FBXL17: variants seen among roughly 807,000 people sequenced by gnomAD.
The protein encoded by FBXL17 is F-box/LRR-repeat protein 17.
A neutral mutation model predicts 66.2 loss-of-function variants in FBXL17; 22 were observed. The observed-to-expected ratio is 0.33, with a 90% CI of 0.24 to 0.47. The LOEUF is 0.47. FBXL17 is among the 20% of genes least tolerant of loss of function. FBXL17 has a pLI of 1.00. For missense variants in FBXL17, 878 were observed against 948.2 expected, an observed-to-expected ratio of 0.93 and a Z score of 0.97; for synonymous variants, 474 against 400.5, an observed-to-expected ratio of 1.18 and a Z score of -2.19.
intron 6 of FBXL17, among the ~76,000 whole-genome samples, chr5:108,159,810 T>C (rs1752137714): frequency 6.6e-6 from 1 of 152,196 alleles, no homozygotes. Context: ...TTTCTTAACT[T>C]GTACTAAATC....
intron 4 of FBXL17, among the ~76,000 whole-genome samples, chr5:108,347,045 A>G (rs935607866): frequency 6.6e-6 from 1 of 152,158 alleles, no homozygotes; most frequent in African/African-American, 2.4e-5. Context: ...CCCTGACAAC[A>G]TTTTCAAATA....
At chr5:108,119,944 A>C (rs995498156) in intron 6 of FBXL17, among the ~76,000 whole-genome samples, 33 of 152,216 alleles carry the variant, frequency 2.2e-4, no homozygotes, top group African/African-American at 7.7e-4. Flanking sequence ...GCACTGCTTG[A>C]TCAGGCCCTG....
intron 6 of FBXL17, among the ~76,000 whole-genome samples, chr5:108,031,746 T>A (rs1468601147): frequency 6.6e-6 from 1 of 152,256 alleles, no homozygotes; most frequent in South Asian, 2.1e-4. Context: ...ACAGAGATGA[T>A]ACTTCACTAC....
chr5:107,996,070 A>G, intron 7 of FBXL17, among the ~76,000 whole-genome samples: 1 of 152,220 alleles, frequency 6.6e-6, no homozygotes, highest in Non-Finnish European at 1.5e-5. Flanking sequence ...CAAAAACTCA[A>G]CAACTTGGAC....
At chr5:107,931,192 T>G (rs1415741460) in intron 7 of FBXL17, among the ~76,000 whole-genome samples, 1 of 152,180 alleles carries the variant, frequency 6.6e-6, no homozygotes, top group African/African-American at 2.4e-5. Flanking sequence ...ATGTTGCTTT[T>G]GCTAGGAAAC....
intron 7 of FBXL17, among the ~76,000 whole-genome samples, chr5:107,910,816 A>C (rs1170083822): frequency 6.6e-6 from 1 of 152,130 alleles, no homozygotes; most frequent in African/African-American, 2.4e-5. Context: ...CATCAAAAAA[A>C]GTTATATAGG....
At chr5:108,138,732 GAAAT>G (rs1449076087) in intron 6 of FBXL17, among the ~76,000 whole-genome samples, 1 of 152,112 alleles carries the variant, frequency 6.6e-6, no homozygotes, top group East Asian at 1.9e-4. Context: ...GGAGACATTG[GAAAT>G]ACAAAGATGA....
At chr5:108,061,733 G>T (rs1038176347) in intron 6 of FBXL17, among the ~76,000 whole-genome samples, 14 of 152,128 alleles carry the variant, frequency 9.2e-5, no homozygotes, top group Non-Finnish European at 5.9e-5. Flanking sequence ...TACTCGTCAA[G>T]AGAAGTATAT....
At chr5:108,177,911 G>GTATATATATA (rs70996985) in intron 6 of FBXL17, among the ~76,000 whole-genome samples, 6,341 of 115,008 alleles carry the variant, frequency 0.055, 348 homozygotes, top group South Asian at 0.094. Flanking sequence ...AAAAAAAAAT[G>GTATATATATA]TATATATATA....
At chr5:108,329,829 T>C (rs1336327147) in intron 4 of FBXL17, among the ~76,000 whole-genome samples, 1 of 152,072 alleles carries the variant, frequency 6.6e-6, no homozygotes, top group African/African-American at 2.4e-5. Context: ...ATACAATATA[T>C]GAGAGGTTAA....
chr5:108,285,274 C>G (rs1580744777), intron 4 of FBXL17, among the ~76,000 whole-genome samples: 2 of 151,992 alleles, frequency 1.3e-5, no homozygotes, highest in East Asian at 3.9e-4. Context: ...TTGGAATAAA[C>G]TTCCTCCAAG....
chr5:108,197,958 C>T (rs994818995), intron 5 of FBXL17, among the ~76,000 whole-genome samples: 3 of 152,062 alleles, frequency 2.0e-5, no homozygotes, highest in Non-Finnish European at 4.4e-5. Flanking sequence ...TTTTCTATCC[C>T]GTGATCAGAT....
intron 6 of FBXL17, among the ~76,000 whole-genome samples, chr5:108,166,517 A>G (rs185810898): frequency 6.6e-6 from 1 of 152,358 alleles, no homozygotes; most frequent in East Asian, 1.9e-4. Context: ...AAAATACTCT[A>G]AGACAGTGCT....
chr5:108,338,695 T>C (rs1387878092), intron 4 of FBXL17, among the ~76,000 whole-genome samples: 1 of 152,002 alleles, frequency 6.6e-6, no homozygotes, highest in Non-Finnish European at 1.5e-5. Flanking sequence ...TGGACTTATC[T>C]GGCTTTTAAA....
chr5:108,268,465 T>C (rs896689601), intron 4 of FBXL17, among the ~76,000 whole-genome samples: 7 of 152,078 alleles, frequency 4.6e-5, no homozygotes, highest in African/African-American at 7.2e-5. Context: ...CTTTAGGTTA[T>C]ATAAATTCTC....
chr5:108,123,149 G>GTT (rs200273138), intron 6 of FBXL17, among the ~76,000 whole-genome samples: 2 of 151,162 alleles, frequency 1.3e-5, no homozygotes, highest in Admixed American at 6.6e-5. Flanking sequence ...GCTTGGGTAA[G>GTT]TTTTTTGTCT....
intron 6 of FBXL17, among the ~76,000 whole-genome samples, chr5:108,168,431 A>G (rs949718755): frequency 1.4e-4 from 21 of 152,190 alleles, no homozygotes; most frequent in Non-Finnish European, 3.1e-4. Context: ...TGAACGGAAT[A>G]TATTTTTTGT....
chr5:108,057,664 T>G (rs1260487320), intron 6 of FBXL17, among the ~76,000 whole-genome samples: 1 of 152,178 alleles, frequency 6.6e-6, no homozygotes, highest in East Asian at 1.9e-4. Flanking sequence ...TAAAAGTATA[T>G]AAACCTTCCC....
intron 5 of FBXL17, among the ~76,000 whole-genome samples, chr5:108,198,032 T>C (rs1163192639): frequency 6.6e-6 from 1 of 152,164 alleles, no homozygotes; most frequent in Non-Finnish European, 1.5e-5. Context: ...GTGCACAGGA[T>C]GATAACCATC....
Sources: gnomAD v4.1 joint callset for allele counts (sites outside exome capture counted in the v4.1 genomes callset) on GRCh38, gnomAD v4.1.1 for gene constraint, MANE v1.5 for transcripts, NCBI Gene and HGNC (gene_info 2026-07-23, HGNC 2026-07-21) for gene names.